CARS2: variants seen among roughly 807,000 people sequenced by gnomAD.
The protein encoded by CARS2 is cysteinyl-tRNA synthetase 2, mitochondrial, also known as probable cysteine--tRNA ligase, mitochondrial.
Under a neutral mutation model 68.8 loss-of-function variants are expected in CARS2, and 52 were observed. That is an observed-to-expected ratio of 0.76 (90% CI 0.61 to 0.95). CARS2 has a LOEUF of 0.95. CARS2 is among the 40% of genes least tolerant of loss of function. The pLI, the probability that CARS2 is intolerant of heterozygous loss-of-function variation, is 0.00. For missense variants in CARS2, 780 were observed against 754.2 expected (o/e 1.03, Z -0.40); for synonymous variants, 314 against 303.6 (o/e 1.03, Z -0.36).
rs2139666777 is a variant in CARS2, at chr13:110,642,342, G to A, written c.1596C>T (p.Gly532=). Residue 532 remains glycine, a synonymous_variant, in exon 14 of 15, where the codon GGC becomes GGT. Transcript: ENST00000257347. The stretch of plus-strand genomic sequence containing the variant: ...TGATGTTGATGCCGTGGGCAGTCAG[G>A]CCCCGGCGCAGGGTGTCGCATGCTT... ...LLEACDTLRR[G]LTAHGINIKD... 6.4e-7 allele frequency: 1 copy of A among 1,551,120 alleles called. No individual in the cohort carries two copies. The highest frequency in any genetic ancestry group is 8.7e-7 in the Non-Finnish European group (1 of 1,147,070).
intron 3 of CARS2, 174 bp downstream of exon 3, chr13:110,701,264 A>G (rs1236500074): frequency 1.9e-6 from 1 of 522,682 alleles, no homozygotes. Context: ...AGGTTTCACC[A>G]TGTTTGTCAG....
At chr13:110,656,037 G>A (rs568948221) in intron 9 of CARS2, among the ~76,000 whole-genome samples, 2 of 152,354 alleles carry the variant, frequency 1.3e-5, no homozygotes, top group Non-Finnish European at 2.9e-5. Context: ...TGGATGCAGT[G>A]GCTCACGCCT....
At chr13:110,657,313 C>T (rs1185936513) in intron 9 of CARS2, among the ~76,000 whole-genome samples, 2 of 152,238 alleles carry the variant, frequency 1.3e-5, no homozygotes, top group Non-Finnish European at 2.9e-5. Flanking sequence ...CGCAGTGTCA[C>T]TCTGGTAGCA....
chr13:110,713,452 G>C (rs1301086051), exon 1 of CARS2: 1 of 991,476 alleles, frequency 1.0e-6, no homozygotes, highest in African/African-American at 1.7e-5. Context: ...TAAAGTTTGC[G>C]CCTCGCCCGC....
chr13:110,660,363 T>C (rs1416650834), intron 9 of CARS2, among the ~76,000 whole-genome samples: 2 of 152,270 alleles, frequency 1.3e-5, no homozygotes, highest in African/African-American at 2.4e-5. Context: ...CAATCATACA[T>C]GTTCTTACTG....
intron 3 of CARS2, among the ~76,000 whole-genome samples, chr13:110,692,003 A>ATAC: frequency 1.1e-5 from 1 of 91,588 alleles, no homozygotes; most frequent in Non-Finnish European, 2.1e-5. Context: ...AAAAAAAAAA[A>ATAC]ATATATATAT....
intron 9 of CARS2, among the ~76,000 whole-genome samples, chr13:110,651,885 G>C (rs1045729015): frequency 9.2e-5 from 14 of 152,220 alleles, no homozygotes; most frequent in African/African-American, 3.4e-4. Context: ...GAGATGAGTG[G>C]GGGAGAGAAG....
Position 110,702,875 on chromosome 13 carries a change from G to A in CARS2, c.276-1320C>T, listed in dbSNP as rs886612991. ...CATGAACCATGCTACCGTCAGCCCG[G>A]CTCTTTCTGCCCCATTTTCTCCATC... On this transcript the variant is annotated intron_variant, in intron 2 of 14. Transcript: ENST00000257347. Among the ~76,000 whole-genome samples the A allele has an allele frequency of 3.9e-5, 6 of 152,316 alleles. 1 individual carries two copies. In the South Asian group the frequency reaches 8.3e-4, roughly 21 times the overall value.
intron 10 of CARS2, among the ~76,000 whole-genome samples, chr13:110,647,595 C>T (rs1012818861): frequency 2.2e-5 from 3 of 133,758 alleles, no homozygotes; most frequent in Non-Finnish European, 4.7e-5. Flanking sequence ...GGATGAATGG[C>T]TAGCTCTGGA....
At chr13:110,706,338 GC>G, upstream of CARS2, 1 of 290,292 alleles carries the variant, frequency 3.4e-6, no homozygotes, top group Non-Finnish European at 6.3e-6. Context: ...GGAGGGCGGT[GC>G]CGCGCCGGGA....
chr13:110,644,219 T>A, intron 13 of CARS2, 166 bp downstream of exon 13: 1 of 1,431,206 alleles, frequency 7.0e-7, no homozygotes, highest in Non-Finnish European at 9.4e-7. Context: ...AATTAATAAG[T>A]ATTGGCTCTG....
At chr13:110,688,146 TCA>T (rs2063359473) in intron 3 of CARS2, 128 bp from the exon 4 acceptor site, 2 of 574,256 alleles carry the variant, frequency 3.5e-6, no homozygotes, top group Admixed American at 2.8e-5. Context: ...TGCCTCGGCC[TCA>T]GTTTGCCCCC....
chr13:110,663,032 G>C, intron 9 of CARS2: 2 of 459,968 alleles, frequency 4.3e-6, no homozygotes, highest in South Asian at 3.1e-5. Context: ...GTTGGTTAAG[G>C]ATCCAGCCAG....
chr13:110,699,404 C>G (rs2063719060), intron 3 of CARS2, among the ~76,000 whole-genome samples: 1 of 152,242 alleles, frequency 6.6e-6, no homozygotes, highest in Non-Finnish European at 1.5e-5. Flanking sequence ...GGTTCATATG[C>G]TCTTCTCTCT....
intron 13 of CARS2, chr13:110,642,911 CGT>C (rs1318732769): frequency 4.3e-5 from 18 of 420,408 alleles, no homozygotes; most frequent in Non-Finnish European, 5.9e-5. Context: ...CGCTTGCACA[CGT>C]GTGTTTCGGC....
intron 3 of CARS2, among the ~76,000 whole-genome samples, chr13:110,690,486 G>C (rs2063426420): frequency 6.6e-6 from 1 of 152,016 alleles, no homozygotes; most frequent in Non-Finnish European, 1.5e-5. Flanking sequence ...TCTCTCCCTC[G>C]CAGCACACAG....
intron 8 of CARS2, chr13:110,666,548 C>T: frequency 1.0e-6 from 1 of 985,406 alleles, no homozygotes. Context: ...TCGGGGCAAT[C>T]AGCCTCATGT....
In CARS2 at chr13:110,667,440, T is replaced by C. The variant is rs773063187; in HGVS notation, c.819A>G (p.Ser273=). Residue 273 remains serine, a synonymous_variant, in exon 8 of 15, where the codon TCA becomes TCG. Coordinates refer to ENST00000257347, the MANE Select transcript of CARS2 (RefSeq NM_024537.4). ...GTGGAAAAGCTAAATCTATCCCACC[T>C]GAATGGATATCCAGTTGACTTCCAA... ...MVFGSQLDIH[S]GGIDLAFPHH... The C allele has an allele frequency of 1.2e-6, 2 of 1,613,904 alleles. No homozygotes were observed. The highest frequency in any genetic ancestry group is 1.7e-6 in the Non-Finnish European group (2 of 1,179,796).
chr13:110,689,736 T>C (rs1369696656), intron 3 of CARS2, among the ~76,000 whole-genome samples: 1 of 152,146 alleles, frequency 6.6e-6, no homozygotes, highest in Non-Finnish European at 1.5e-5. Flanking sequence ...ACCTAGCACA[T>C]AGCTGGTACT....
Sources: gnomAD v4.1 joint callset for allele counts (sites outside exome capture counted in the v4.1 genomes callset) on GRCh38, gnomAD v4.1.1 for gene constraint, MANE v1.5 for transcripts, NCBI Gene and HGNC (gene_info 2026-07-23, HGNC 2026-07-21) for gene names.